MRPS18A: variants seen among roughly 807,000 people sequenced by gnomAD.
MRPS18A encodes the protein large ribosomal subunit protein mL66.
In MRPS18A, 20 loss-of-function variants were observed where a neutral mutation model predicts 22.7. The ratio of observed to expected loss-of-function variants is 0.88; its 90% CI spans 0.62 to 1.28. MRPS18A has a LOEUF of 1.28. MRPS18A is among the 50% of genes most tolerant of loss of function. The probability of loss-of-function intolerance (pLI) is 0.00; values close to 1 mark genes in which losing one functional copy is unlikely to be tolerated. For missense variants in MRPS18A, 294 were observed against 262.6 expected, an observed-to-expected ratio of 1.12 and a Z score of -0.83; for synonymous variants, 106 against 99.1, an observed-to-expected ratio of 1.07 and a Z score of -0.41.
Position 43,675,858 on chromosome 6 carries a change from A to ATT in MRPS18A, c.253-243_253-242dup, listed in dbSNP as rs112883657. 3.0e-4 allele frequency among the ~76,000 whole-genome samples: 44 copies of ATT among 147,018 alleles called. No individual in the cohort carries two copies. In the East Asian group the frequency reaches 7.7e-3, roughly 26 times the overall value. On this transcript the variant is annotated intron_variant, in intron 3 of 5. Transcript: ENST00000372133. ...CAAGAGCTCCCAGCTTCTCTATGAG[A>ATT]TTTTTTTTTTTTTGAGGCAAGGGCT...
chr6:43,675,438 G>A (rs773064509), intron 4 of MRPS18A, 56 bp downstream of exon 4: 1 of 1,613,682 alleles, frequency 6.2e-7, no homozygotes, highest in South Asian at 1.1e-5. Flanking sequence ...GGGGCAGCTG[G>A]GTGGGGAGAG....
At chr6:43,680,033 G>A (rs1417713494) in intron 2 of MRPS18A, among the ~76,000 whole-genome samples, 1 of 152,162 alleles carries the variant, frequency 6.6e-6, no homozygotes, top group Admixed American at 6.5e-5. Flanking sequence ...GCCGCTAAAG[G>A]CATGGATGGG....
In MRPS18A at chr6:43,675,204, G is replaced by C; in HGVS notation, c.444C>G (p.Asn148Lys). ...GVVPKSKPQL[N>K]RYLTRWAPGS... is the part of the protein sequence containing the mutation. ...TGTTCACACCCAGGCTTGCTTACCG[G>C]TTGAGTTGGGGTTTGCTCTTCGGAA... The change falls in exon 5 of 6, where the codon AAC becomes AAG. Residue 148 changes from asparagine (N) to lysine (K), a missense_variant and splice_region_variant. By Grantham distance (94) the Asn-to-Lys change is moderately conservative. Transcript: ENST00000372133. The C allele has an allele frequency of 6.6e-7, 1 of 1,514,176 alleles. No individual in the cohort carries two copies. Among genetic ancestry groups the C allele is most frequent in the South Asian group, 1.3e-5 (1 of 74,502 alleles). The allele number at this position is 1,514,176 out of a possible 1,614,324, so 93.8% of individuals were successfully genotyped here.
At chr6:43,685,523 A>G (rs1025918639) in intron 1 of MRPS18A, among the ~76,000 whole-genome samples, 3 of 152,186 alleles carry the variant, frequency 2.0e-5, no homozygotes, top group Non-Finnish European at 4.4e-5. Context: ...GACATGGCCA[A>G]TTGTTACTGG....
At position 43,675,274 on chromosome 6, in the gene MRPS18A, G is replaced by A. The variant is rs1773988344; in HGVS notation, c.377-3C>T. On this transcript the variant is annotated splice_region_variant and splice_polypyrimidine_tract_variant and intron_variant, in intron 4 of 5. Transcript: ENST00000372133. ...AGGCCTGTGATTTGGTAATAGACCT[G>A]AGTGGCGGGGAAGAGGGGATAGTCT... The A allele has an allele frequency of 6.5e-7, 1 of 1,534,972 alleles. No homozygotes were observed. The highest frequency in any genetic ancestry group is 8.8e-7 in the Non-Finnish European group (1 of 1,140,910).
chr6:43,684,181 C>A (rs1183410806), intron 1 of MRPS18A, among the ~76,000 whole-genome samples: 2 of 152,054 alleles, frequency 1.3e-5, no homozygotes, highest in Non-Finnish European at 2.9e-5. Context: ...ACACAGTGAA[C>A]TGCAGCCATG....
intron 2 of MRPS18A, among the ~76,000 whole-genome samples, chr6:43,680,323 A>C (rs2127949565): frequency 6.6e-6 from 1 of 152,196 alleles, no homozygotes; most frequent in East Asian, 1.9e-4. Context: ...GACCCAATGG[A>C]CTTGTCCTGG....
At chr6:43,672,692 G>A (rs758685582) in intron 5 of MRPS18A, 1 of 237,738 alleles carries the variant, frequency 4.2e-6, no homozygotes, top group Non-Finnish European at 8.9e-6. Context: ...CAACCCAGCT[G>A]TCTCTAGAGA....
intron 1 of MRPS18A, among the ~76,000 whole-genome samples, chr6:43,684,077 C>T (rs1053273644): frequency 6.6e-6 from 1 of 151,984 alleles, no homozygotes; most frequent in Non-Finnish European, 1.5e-5. Flanking sequence ...AGTTAGAGGC[C>T]AGCCTGGGCA....
At chr6:43,684,520 C>T (rs1774584814) in intron 1 of MRPS18A, among the ~76,000 whole-genome samples, 1 of 152,222 alleles carries the variant, frequency 6.6e-6, no homozygotes, top group Non-Finnish European at 1.5e-5. Context: ...TCATCACCTC[C>T]CCCTTTCTTT....
At chr6:43,680,017 G>A (rs1384733104) in intron 2 of MRPS18A, among the ~76,000 whole-genome samples, 2 of 152,192 alleles carry the variant, frequency 1.3e-5, no homozygotes, top group Non-Finnish European at 2.9e-5. Flanking sequence ...AGTCAGCCAT[G>A]GCCATGCCGC....
chr6:43,675,926 T>C (rs950948397), intron 3 of MRPS18A, among the ~76,000 whole-genome samples: 1 of 151,746 alleles, frequency 6.6e-6, no homozygotes, highest in Non-Finnish European at 1.5e-5. Context: ...CAATCTCGGG[T>C]CACTGCAATC....
chr6:43,671,396 C>A lies in MRPS18A; in HGVS notation c.*366G>T. 1 of 401,446 alleles carries A rather than the reference C, an allele frequency of 2.5e-6. No homozygotes were observed. Among genetic ancestry groups the A allele is most frequent in the South Asian group, 2.7e-5 (1 of 36,806 alleles). The allele number at this position is 401,446 out of a possible 1,614,324, so 24.9% of individuals were successfully genotyped here. A position where few individuals can be genotyped will look rare whatever the true frequency, so the allele number is the denominator to read the frequency against. On this transcript the variant is annotated 3_prime_UTR_variant, in exon 6 of 6. Transcript: ENST00000372133. ...CAGTGACTCAATGCTCAGCACCCAG[C>A]TGGCAATGTGCCCAGGACCCCCTGC...
At chr6:43,682,079 A>G (rs1774451096) in intron 1 of MRPS18A, among the ~76,000 whole-genome samples, 1 of 152,220 alleles carries the variant, frequency 6.6e-6, no homozygotes, top group African/African-American at 2.4e-5. Flanking sequence ...AGGCGGGAAG[A>G]AATACTTGAG....
In MRPS18A at chr6:43,687,752, C is replaced by A; in HGVS notation, c.28G>T (p.Gly10Cys). 3 of 1,583,940 alleles carry A rather than the reference C, an allele frequency of 1.9e-6. No individual in the cohort carries two copies. Among genetic ancestry groups the A allele is most frequent in the South Asian group, 2.3e-5 (2 of 86,964 alleles). Residue 10 changes from glycine to cysteine, a missense_variant, in exon 1 of 6, where the codon GGC becomes TGC. By Grantham distance (159) the Gly-to-Cys change is radical. Transcript: ENST00000372133. The stretch of plus-strand genomic sequence containing the variant: ...AGCCCACGGAGAAGCCGCCCACAGC[C>A]GGACACCAGAGCCTTGAGGGCCGCC... MAALKALVS[G>C]CGRLLRGLLA...
At chr6:43,674,686 T>G (rs1004915199) in intron 5 of MRPS18A, among the ~76,000 whole-genome samples, 1 of 152,206 alleles carries the variant, frequency 6.6e-6, no homozygotes, top group African/African-American at 2.4e-5. Flanking sequence ...CTGTATGAAC[T>G]CTGGGCCTCC....
chr6:43,678,092 G>A (rs979051787), intron 3 of MRPS18A, among the ~76,000 whole-genome samples: 2 of 152,032 alleles, frequency 1.3e-5, no homozygotes, highest in Non-Finnish European at 2.9e-5. Flanking sequence ...GTGGTCTGAG[G>A]CACGACCAGA....
At chr6:43,685,536 G>A (rs879746957) in intron 1 of MRPS18A, among the ~76,000 whole-genome samples, 7 of 152,126 alleles carry the variant, frequency 4.6e-5, no homozygotes, top group Admixed American at 4.6e-4. Context: ...GTTACTGGGG[G>A]ACAAAATTGC....
intron 1 of MRPS18A, among the ~76,000 whole-genome samples, chr6:43,686,461 C>T (rs534959794): frequency 4.6e-5 from 7 of 152,182 alleles, no homozygotes; most frequent in Non-Finnish European, 8.8e-5. Context: ...ACTTCCCTTA[C>T]GGGCTAAATT....
Sources: allele counts gnomAD v4.1 joint callset (sites outside exome capture counted in the v4.1 genomes callset), GRCh38; gene constraint gnomAD v4.1.1; transcripts MANE v1.5; gene names NCBI Gene and HGNC (gene_info 2026-07-23, HGNC 2026-07-21).